Variants in SPAG6 observed in about 807,000 individuals in gnomAD.
SPAG6 encodes sperm associated antigen 6, also known as sperm-associated antigen 6.
Under a neutral mutation model 58.5 loss-of-function variants are expected in SPAG6, and 49 were observed. That is an observed-to-expected ratio of 0.84 (90% CI 0.67 to 1.06). The LOEUF is 1.06. Among genes scored for constraint, SPAG6 ranks in the 50% least tolerant of loss-of-function variants. The pLI is 0.00. For synonymous variants in SPAG6, 233 were observed against 225.6 expected (o/e 1.03, Z -0.29); for missense variants, 560 against 611.3 (o/e 0.92, Z 0.89).
intron 4 of SPAG6, among the ~76,000 whole-genome samples, chr10:22,369,737 G>A (rs1002863047): frequency 1.3e-5 from 2 of 152,172 alleles, no homozygotes; most frequent in Non-Finnish European, 2.9e-5. Context: ...AAAGCACTTA[G>A]GTCGGTGCTT....
At chr10:22,361,956 G>A (rs1837052718) in intron 2 of SPAG6, among the ~76,000 whole-genome samples, 1 of 147,952 alleles carries the variant, frequency 6.8e-6, no homozygotes, top group African/African-American at 2.5e-5. Flanking sequence ...ATAAACCACT[G>A]CCTTTACATA....
intron 9 of SPAG6, among the ~76,000 whole-genome samples, chr10:22,408,844 C>T (rs941226965): frequency 4.0e-5 from 6 of 151,756 alleles, no homozygotes; most frequent in East Asian, 3.9e-4. Context: ...CCTGGTGCTC[C>T]GTTTTTTAAG....
intron 10 of SPAG6, chr10:22,413,066 C>CAAAAAAGA (rs1834779296): frequency 2.3e-5 from 1 of 43,314 alleles, no homozygotes; most frequent in Non-Finnish European, 4.6e-5. Context: ...CAGAAAGATG[C>CAAAAAAGA]AAAAAAAAAA....
In SPAG6 at chr10:22,391,433, C is replaced by T. The variant is rs75923152; in HGVS notation, c.1006-296C>T. 9.6e-3 allele frequency among the ~76,000 whole-genome samples: 1,465 copies of T among 152,226 alleles called. 25 individuals are homozygous for T. The highest frequency in any genetic ancestry group is 0.033 in the African/African-American group (1,363 of 41,516). On this transcript the variant is annotated intron_variant, in intron 7 of 10. Coordinates refer to ENST00000376624, the MANE Select transcript of SPAG6 (RefSeq NM_012443.4). Reference sequence around the variant, plus strand: ...TTAGTCACAGTAAAATCTGGCTTTGCCTATTTCCTAGTCTGTGACATCTGT... The same window carrying T: ...TTAGTCACAGTAAAATCTGGCTTTGTCTATTTCCTAGTCTGTGACATCTGT...
chr10:22,403,455 G>A (rs1588558769), intron 9 of SPAG6, among the ~76,000 whole-genome samples: 1 of 152,228 alleles, frequency 6.6e-6, no homozygotes, highest in East Asian at 1.9e-4. Flanking sequence ...CTCTACAAAG[G>A]ATGTGAACTC....
rs537575942 is a variant in SPAG6, at chr10:22,386,880, A to G, written c.599A>G (p.Glu200Gly). 3 of 1,613,894 alleles carry G rather than the reference A, an allele frequency of 1.9e-6. No individual in the cohort carries two copies. In the South Asian group the frequency reaches 3.3e-5, roughly 18 times the overall value. The change falls in exon 5 of 11, where the codon GAG (glutamate) becomes GGG (glycine). Residue 200 changes from glutamate to glycine, a missense_variant. Glu to Gly is a moderately conservative substitution (Grantham distance 98). Coordinates refer to ENST00000376624, the MANE Select transcript of SPAG6 (RefSeq NM_012443.4). ...ALSDIAKHSP[E>G]LAQTVVDAGA... is the part of the protein sequence containing the mutation. ...AGTGATATTGCAAAGCATTCTCCAG[A>G]GTTAGCACAGACAGTAGTGGATGCA...
intron 9 of SPAG6, among the ~76,000 whole-genome samples, chr10:22,408,572 G>A (rs1776689335): frequency 6.6e-6 from 1 of 150,788 alleles, no homozygotes; most frequent in Admixed American, 6.6e-5. Context: ...GTCTGCAGAG[G>A]TTACTGCTGT....
intron 4 of SPAG6, among the ~76,000 whole-genome samples, chr10:22,382,118 C>T (rs891302189): frequency 1.3e-5 from 2 of 152,138 alleles, no homozygotes; most frequent in African/African-American, 4.8e-5. Flanking sequence ...ATTGTATGCA[C>T]ATACCCTCAT....
At position 22,411,331 on chromosome 10, in the gene SPAG6, C is replaced by T. The variant is rs75646609; in HGVS notation, c.1460+155C>T. 2.6e-3 allele frequency: 1,453 copies of T among 550,140 alleles called. 4 individuals carry two copies. The highest frequency in any genetic ancestry group is 2.7e-3 in the Non-Finnish European group (864 of 323,356). 34.1% of individuals were successfully genotyped at this position (550,140 alleles called of 1,614,324 possible). On this transcript the variant is annotated intron_variant, in intron 10 of 10. Coordinates refer to ENST00000376624, the MANE Select transcript of SPAG6 (RefSeq NM_012443.4). The stretch of plus-strand genomic sequence containing the variant: ...TTCTCTCTTGATCTCTTCCCCCTGC[C>T]AAATTAATTAATGATCTGACTGACA...
At chr10:22,363,748 A>C (rs930922892) in intron 2 of SPAG6, among the ~76,000 whole-genome samples, 3 of 152,160 alleles carry the variant, frequency 2.0e-5, no homozygotes, top group Non-Finnish European at 2.9e-5. Context: ...CTCTATTTCA[A>C]ATGTTTCTGC....
chr10:22,384,253 C>G (rs1282980819), intron 4 of SPAG6, among the ~76,000 whole-genome samples: 1 of 152,206 alleles, frequency 6.6e-6, no homozygotes, highest in African/African-American at 2.4e-5. Flanking sequence ...GTATTTTCTG[C>G]TGTGTATCTC....
chr10:22,397,405 C>G (rs1298695838), intron 8 of SPAG6, among the ~76,000 whole-genome samples: 1 of 152,296 alleles, frequency 6.6e-6, no homozygotes, highest in East Asian at 1.9e-4. Flanking sequence ...CTCCACCTCC[C>G]AGGTTCAAGT....
chr10:22,393,158 C>T (rs1006042173), intron 8 of SPAG6, among the ~76,000 whole-genome samples: 1 of 152,098 alleles, frequency 6.6e-6, no homozygotes, highest in Non-Finnish European at 1.5e-5. Flanking sequence ...TACATGTATA[C>T]GTGTATATAA....
At chr10:22,356,002 T>A (rs1836855230) in intron 2 of SPAG6, among the ~76,000 whole-genome samples, 1 of 152,210 alleles carries the variant, frequency 6.6e-6, no homozygotes, top group African/African-American at 2.4e-5. Flanking sequence ...AGAGTAAGGA[T>A]GATAAGTATA....
At position 22,416,846 on chromosome 10, in the gene SPAG6, C is replaced by T. The variant is rs1539322; in HGVS notation, c.*158C>T. ...AAATTTATGTAATACTTTAAACATT[C>T]GTAGCTTGAATATGTGAGGAACTAT... On this transcript the variant is annotated 3_prime_UTR_variant, in exon 11 of 11. Transcript: ENST00000376624. The T allele has an allele frequency of 0.044, 21,837 of 490,746 alleles. 2,213 individuals are homozygous for T. The highest frequency in any genetic ancestry group is 0.28 in the African/African-American group (14,425 of 51,670). The allele number at this position is 490,746 out of a possible 1,614,324, so 30.4% of individuals were successfully genotyped here. A position where few individuals can be genotyped will look rare whatever the true frequency, so the allele number is the denominator to read the frequency against.
At chr10:22,351,597 C>T (rs573944988) in intron 2 of SPAG6, among the ~76,000 whole-genome samples, 3 of 152,282 alleles carry the variant, frequency 2.0e-5, no homozygotes, top group South Asian at 2.1e-4. Context: ...ATATACTTAA[C>T]ATTTCTTGCT....
chr10:22,403,601 G>A (rs1322181956), intron 9 of SPAG6, among the ~76,000 whole-genome samples: 2 of 148,586 alleles, frequency 1.3e-5, no homozygotes, highest in Admixed American at 1.3e-4. Flanking sequence ...ACATACGTGT[G>A]CATGTGTCTT....
intron 4 of SPAG6, among the ~76,000 whole-genome samples, chr10:22,382,377 A>G (rs1207060893): frequency 6.6e-6 from 1 of 152,202 alleles, no homozygotes; most frequent in Non-Finnish European, 1.5e-5. Context: ...ATTCATGAAT[A>G]AGGAAGGTGC....
intron 2 of SPAG6, among the ~76,000 whole-genome samples, chr10:22,346,497 T>TTCTTCTTTC (rs1554776508): frequency 4.0e-5 from 3 of 74,378 alleles, no homozygotes; most frequent in Non-Finnish European, 8.4e-5. Context: ...CTTCTTCTTC[T>TTCTTCTTTC]TTCTTCTTCT....
Sources: gnomAD v4.1 joint callset for allele counts (sites outside exome capture counted in the v4.1 genomes callset) on GRCh38, gnomAD v4.1.1 for gene constraint, MANE v1.5 for transcripts, NCBI Gene and HGNC (gene_info 2026-07-23, HGNC 2026-07-21) for gene names.